VWF: variants seen among roughly 807,000 people sequenced by gnomAD.
VWF encodes the protein von Willebrand factor.
VWF carries 176 observed loss-of-function variants against 308.6 expected under a neutral mutation model. The observed-to-expected ratio is 0.57, with a 90% CI of 0.50 to 0.65. VWF has a LOEUF of 0.65. Ranked by LOEUF, VWF falls within the 30% of genes least tolerant of loss-of-function variation. The probability of loss-of-function intolerance (pLI) is 0.00; values close to 1 mark genes in which losing one functional copy is unlikely to be tolerated. For missense variants in VWF, 3,146 were observed against 3,648.2 expected (o/e 0.86, Z 3.55); for synonymous variants, 1,385 against 1,443.4 (o/e 0.96, Z 0.92).
intron 20 of VWF, among the ~76,000 whole-genome samples, chr12:6,032,539 G>A (rs1393466465): frequency 6.9e-6 from 1 of 145,042 alleles, no homozygotes; most frequent in Non-Finnish European, 1.5e-5. Context: ...TAGGGAGGCC[G>A]AGGCAGGAGA....
chr12:5,958,734 A>G (rs1247794565), intron 47 of VWF, among the ~76,000 whole-genome samples: 1 of 152,164 alleles, frequency 6.6e-6, no homozygotes, highest in East Asian at 1.9e-4. Flanking sequence ...CACTTAGGGG[A>G]AGCAGGGAAA....
chr12:5,995,956 T>G, intron 35 of VWF, 46 bp downstream of exon 35: 2 of 1,589,026 alleles, frequency 1.3e-6, no homozygotes, highest in Non-Finnish European at 1.7e-6. Context: ...GTGGTTTTCC[T>G]GACATTCTAT....
chr12:5,956,494 A>G (rs1185919315), intron 47 of VWF, among the ~76,000 whole-genome samples: 1 of 152,112 alleles, frequency 6.6e-6, no homozygotes, highest in African/African-American at 2.4e-5. Flanking sequence ...TTTTTAACAA[A>G]AAAGTTTAAA....
At chr12:6,118,070 G>A (rs1945389145) in intron 3 of VWF, among the ~76,000 whole-genome samples, 2 of 152,194 alleles carry the variant, frequency 1.3e-5, no homozygotes, top group Admixed American at 6.5e-5. Flanking sequence ...GACCGAGACA[G>A]CCCAGAGGCA....
At chr12:6,032,973 C>CACACACACGCACATGCAT (rs1329946216) in intron 20 of VWF, among the ~76,000 whole-genome samples, 4 of 151,302 alleles carry the variant, frequency 2.6e-5, no homozygotes, top group African/African-American at 9.7e-5. Context: ...CATACACAGT[C>CACACACACGCACATGCAT]ACACACACGC....
At chr12:6,112,780 G>T (rs1379817339) in intron 3 of VWF, among the ~76,000 whole-genome samples, 1 of 151,848 alleles carries the variant, frequency 6.6e-6, no homozygotes, top group African/African-American at 2.4e-5. Context: ...GCAGGGCTCT[G>T]GGCTGAACTG....
intron 42 of VWF, among the ~76,000 whole-genome samples, chr12:5,977,135 G>A (rs1382661508): frequency 2.0e-5 from 3 of 152,158 alleles, no homozygotes; most frequent in Admixed American, 2.0e-4. Flanking sequence ...AAGGCCTGCA[G>A]GAAAATGTTA....
chr12:6,087,415 G>A lies in VWF; in HGVS notation c.657+8045C>T, dbSNP rs1375761726. Among the ~76,000 whole-genome samples the A allele has an allele frequency of 3.5e-5, 5 of 143,996 alleles. No homozygotes were observed. The East Asian group carries it at 8.7e-4, about 25-fold the overall frequency. The allele number at this position is 143,996 out of a possible 152,430, so 94.5% of individuals were successfully genotyped here. ...ACCCTGTCGCCCAGGCTGGAGTGCA[G>A]TGGTGCGATCTCGGCTCACTGCAAG... On this transcript the variant is annotated intron_variant, in intron 6 of 51. Transcript: ENST00000261405.
chr12:6,117,191 T>G (rs1945377381), intron 3 of VWF, among the ~76,000 whole-genome samples: 1 of 152,146 alleles, frequency 6.6e-6, no homozygotes, highest in Non-Finnish European at 1.5e-5. Flanking sequence ...TCCCAGAAAA[T>G]GGACACTTCA....
At chr12:5,992,724 G>A (rs959305845) in intron 37 of VWF, among the ~76,000 whole-genome samples, 13 of 152,124 alleles carry the variant, frequency 8.5e-5, no homozygotes, top group Non-Finnish European at 2.9e-5. Context: ...GTTCTGATTC[G>A]CTCAACAACT....
intron 38 of VWF, among the ~76,000 whole-genome samples, chr12:5,990,729 T>C (rs1284359740): frequency 1.3e-5 from 2 of 151,986 alleles, no homozygotes; most frequent in Admixed American, 6.6e-5. Flanking sequence ...CACGTTCACA[T>C]GTGCACAGAC....
Position 5,952,451 on chromosome 12 carries a change from G to C in VWF, c.8055C>G (p.Phe2685Leu). The change falls in exon 49 of 52, where the codon TTC (phenylalanine) becomes TTG (leucine). Residue 2685 changes from phenylalanine to leucine, a missense_variant. Phe to Leu is a conservative substitution (Grantham distance 22, BLOSUM62 0). Around this residue, in one of 3 missense-constraint regions of VWF, gnomAD observed 989 missense variants for 1,117.4 expected, o/e 0.89. Coordinates refer to ENST00000261405, the MANE Select transcript of VWF (RefSeq NM_000552.5). The stretch of plus-strand genomic sequence containing the variant: ...GGCAGCCTGTGACCCTCTTCTCCCA[G>C]AAGTACTCTCCTCTCTCATTGACCT... ...FCKVNERGEY[F>L]WEKRVTGCPP... The C allele has an allele frequency of 6.2e-7, 1 of 1,614,198 alleles. No individual in the cohort carries two copies. The highest frequency in any genetic ancestry group is 8.5e-7 in the Non-Finnish European group (1 of 1,180,026).
chr12:6,083,103 G>A (rs572850723), intron 6 of VWF, among the ~76,000 whole-genome samples: 2 of 152,214 alleles, frequency 1.3e-5, no homozygotes, highest in East Asian at 1.9e-4. Context: ...TCTGCCTCTC[G>A]CAACCCATCA....
chr12:6,053,697 A>G (rs1011186601), intron 15 of VWF, among the ~76,000 whole-genome samples: 1 of 152,246 alleles, frequency 6.6e-6, no homozygotes, highest in Non-Finnish European at 1.5e-5. Flanking sequence ...CTTGGGCAGT[A>G]TCCTCACTGG....
chr12:5,960,951 G>A (rs1020962869), intron 47 of VWF, among the ~76,000 whole-genome samples: 5 of 152,166 alleles, frequency 3.3e-5, no homozygotes, highest in African/African-American at 1.2e-4. Flanking sequence ...TGTATCTACA[G>A]CCACTCCCCA....
intron 16 of VWF, among the ~76,000 whole-genome samples, chr12:6,047,546 A>G (rs371348337): frequency 1.3e-5 from 2 of 152,294 alleles, no homozygotes. Context: ...GGCCTCCAAC[A>G]TACCACTGAA....
intron 33 of VWF, 82 bp downstream of exon 33, chr12:6,012,005 A>G: frequency 6.5e-7 from 1 of 1,542,750 alleles, no homozygotes; most frequent in South Asian, 1.1e-5. Flanking sequence ...CTAAGACCAA[A>G]GGAGGAAAAA....
chr12:5,968,285 C>A (rs559952928), intron 45 of VWF, 118 bp from the exon 46 acceptor site: 2 of 1,282,900 alleles, frequency 1.6e-6, no homozygotes, highest in Non-Finnish European at 2.2e-6. Flanking sequence ...CTGTATCGGT[C>A]GGCCCTTTCC....
rs577252454 is a variant in VWF, at chr12:6,124,552, G to C, written c.-132C>G. On this transcript the variant is annotated 5_prime_UTR_variant, in exon 1 of 52. Transcript: ENST00000261405. The stretch of plus-strand genomic sequence containing the variant: ...GCTCAATCAGGTCTGCTACAGCTCC[G>C]GACTGTCTTGCTGTTATGTAGCCCA... 6.6e-6 allele frequency: 1 copy of C among 152,366 alleles called. No homozygotes were observed. The highest frequency in any genetic ancestry group is 1.5e-5 in the Non-Finnish European group (1 of 68,174). 9.4% of individuals were successfully genotyped at this position (152,366 alleles called of 1,614,324 possible). A position where few individuals can be genotyped will look rare whatever the true frequency, so the allele number is the denominator to read the frequency against.
Sources: gnomAD v4.1 joint callset for allele counts (sites outside exome capture counted in the v4.1 genomes callset) on GRCh38, gnomAD v4.1.1 for gene constraint, gnomAD v4.1.1 regional missense constraint, MANE v1.5 for transcripts, NCBI Gene and HGNC (gene_info 2026-07-23, HGNC 2026-07-21) for gene names.